PHTF2: variants seen among roughly 807,000 people sequenced by gnomAD.
PHTF2 encodes the protein protein PHTF2.
PHTF2 carries 60 observed loss-of-function variants against 101.2 expected under a neutral mutation model. The ratio of observed to expected loss-of-function variants is 0.59; its 90% CI spans 0.48 to 0.73. The LOEUF is 0.73. Ranked by LOEUF, PHTF2 falls within the 30% of genes least tolerant of loss-of-function variation. The probability of loss-of-function intolerance (pLI) is 0.00; values close to 1 mark genes in which losing one functional copy is unlikely to be tolerated. For missense variants in PHTF2, 747 were observed against 908.7 expected, an observed-to-expected ratio of 0.82 and a Z score of 2.29; for synonymous variants, 311 against 307.3, an observed-to-expected ratio of 1.01 and a Z score of -0.13.
At chr7:77,867,019 T>C (rs1314074794) in intron 3 of PHTF2, among the ~76,000 whole-genome samples, 2 of 152,154 alleles carry the variant, frequency 1.3e-5, no homozygotes, top group Non-Finnish European at 2.9e-5. Flanking sequence ...GGTTAATTAT[T>C]GAGCTTTTGC....
chr7:77,902,300 A>T (rs1354106718), intron 7 of PHTF2, among the ~76,000 whole-genome samples: 3 of 152,120 alleles, frequency 2.0e-5, no homozygotes, highest in African/African-American at 7.2e-5. Context: ...TACCACCGTG[A>T]TGTGAGCTGT....
chr7:77,827,100 A>T (rs1794744111), intron 1 of PHTF2, among the ~76,000 whole-genome samples: 1 of 152,256 alleles, frequency 6.6e-6, no homozygotes, highest in South Asian at 2.1e-4. Context: ...CATAGCAGGA[A>T]GTCATGGATA....
chr7:77,932,445 G>A (rs1404670620), intron 12 of PHTF2, among the ~76,000 whole-genome samples: 2 of 152,034 alleles, frequency 1.3e-5, no homozygotes, highest in Non-Finnish European at 2.9e-5. Flanking sequence ...TCTTTTTTCC[G>A]TGAAGTGCAA....
rs112048665 is a variant in PHTF2 at position 77,808,136 on chromosome 7, C to G, written c.-36+9165C>G. Among the ~76,000 whole-genome samples, 1,156 of 152,088 alleles carry G rather than the reference C, an allele frequency of 7.6e-3. 8 individuals are homozygous for G. Among genetic ancestry groups the G allele is most frequent in the Non-Finnish European group, 0.011 (779 of 67,976 alleles). ...GTGTGAGTCCTCCAAATTTGTTGTT[C>G]TTTTTAAAAATTGCTTTGGCTATTT... On this transcript the variant is annotated intron_variant, in intron 1 of 19. Transcript: ENST00000416283.
chr7:77,863,533 T>A (rs1292820987), intron 3 of PHTF2, among the ~76,000 whole-genome samples: 1 of 152,204 alleles, frequency 6.6e-6, no homozygotes, highest in Non-Finnish European at 1.5e-5. Context: ...ATTCAGTACA[T>A]TTAGTTTTAC....
At chr7:77,893,873 T>C (rs1800658946) in intron 4 of PHTF2, 109 bp from the exon 4 acceptor site, 1 of 831,886 alleles carries the variant, frequency 1.2e-6, no homozygotes, top group Non-Finnish European at 2.0e-6. Flanking sequence ...TCTTTTAAAA[T>C]TGAATTTCTA....
chr7:77,901,921 G>T lies in PHTF2; in HGVS notation c.445+1G>T. 6.5e-7 allele frequency: 1 copy of T among 1,547,004 alleles called. No individual in the cohort carries two copies. Among genetic ancestry groups the T allele is most frequent in the Non-Finnish European group, 8.7e-7 (1 of 1,146,176 alleles). On this transcript the variant is annotated splice_donor_variant, in intron 7 of 19. Transcript: ENST00000416283. LOFTEE classifies it high-confidence loss of function. ...CTTCTTGTCCTTTATCTTCTTCAAG[G>T]TATAATTAAGTGATTTTTGCTTTTA...
At chr7:77,889,762 T>G (rs1214597356) in intron 3 of PHTF2, among the ~76,000 whole-genome samples, 3 of 151,916 alleles carry the variant, frequency 2.0e-5, no homozygotes, top group African/African-American at 2.4e-5. Context: ...GGCTAATTTT[T>G]TTTGTGTGTG....
intron 5 of PHTF2, among the ~76,000 whole-genome samples, chr7:77,897,079 C>T (rs919159232): frequency 6.6e-6 from 1 of 151,848 alleles, no homozygotes; most frequent in East Asian, 1.9e-4. Flanking sequence ...GAAGTTTTTC[C>T]TGTTTTACTG....
chr7:77,869,216 A>G (rs1331684118), intron 3 of PHTF2, among the ~76,000 whole-genome samples: 2 of 152,166 alleles, frequency 1.3e-5, no homozygotes, highest in Non-Finnish European at 2.9e-5. Context: ...ACAATGGGTA[A>G]TGATTAGATC....
intron 1 of PHTF2, among the ~76,000 whole-genome samples, chr7:77,821,157 A>G (rs1456431825): frequency 2.6e-5 from 4 of 151,726 alleles, no homozygotes; most frequent in East Asian, 1.9e-4. Flanking sequence ...TATTTTGAAT[A>G]TATCATCTCA....
intron 3 of PHTF2, chr7:77,854,949 C>A (rs947351123): frequency 3.3e-6 from 2 of 611,004 alleles, no homozygotes; most frequent in South Asian, 1.9e-5. Context: ...AACCCAGGAG[C>A]CTGCCTGGTG....
chr7:77,820,281 A>G (rs10953356), intron 1 of PHTF2, among the ~76,000 whole-genome samples: 34,965 of 152,088 alleles, frequency 0.23, 4,364 homozygotes, highest in South Asian at 0.29. Flanking sequence ...GGTAGGTGTT[A>G]CGTGTCCAGG....
chr7:77,944,447 TC>T (rs1477129839), intron 16 of PHTF2, among the ~76,000 whole-genome samples: 5 of 152,208 alleles, frequency 3.3e-5, no homozygotes, highest in African/African-American at 1.2e-4. Context: ...TTATAACTCT[TC>T]CCTTACTACA....
chr7:77,947,205 A>G (rs1472565049), intron 16 of PHTF2, among the ~76,000 whole-genome samples: 1 of 152,206 alleles, frequency 6.6e-6, no homozygotes, highest in Non-Finnish European at 1.5e-5. Flanking sequence ...AATAATTCTA[A>G]CAAAAGATAT....
chr7:77,854,806 A>G (rs369588130), exon 3 of PHTF2: 6 of 757,696 alleles, frequency 7.9e-6, no homozygotes, highest in Non-Finnish European at 1.5e-5. Context: ...TGTTCACTCA[A>G]GGACCAAGGG....
intron 19 of PHTF2, among the ~76,000 whole-genome samples, chr7:77,954,542 A>G (rs899120091): frequency 2.0e-4 from 30 of 150,458 alleles, no homozygotes; most frequent in African/African-American, 7.1e-4. Flanking sequence ...ATAGCAATGC[A>G]TACATCTTCC....
chr7:77,837,326 G>C (rs1217504848), intron 1 of PHTF2, among the ~76,000 whole-genome samples: 2 of 152,166 alleles, frequency 1.3e-5, no homozygotes, highest in Admixed American at 1.3e-4. Flanking sequence ...AATCAAAGAA[G>C]TTGGAAAGGC....
At chr7:77,849,670 A>G (rs974821216) in intron 2 of PHTF2, among the ~76,000 whole-genome samples, 2 of 152,216 alleles carry the variant, frequency 1.3e-5, no homozygotes, top group African/African-American at 2.4e-5. Flanking sequence ...CGTTTTAACA[A>G]TATTAATTCT....
Sources: gnomAD v4.1 joint callset for allele counts (sites outside exome capture counted in the v4.1 genomes callset) on GRCh38, gnomAD v4.1.1 for gene constraint, MANE v1.5 for transcripts, NCBI Gene and HGNC (gene_info 2026-07-23, HGNC 2026-07-21) for gene names.